The following INTS11 variants were observed in gnomAD, a reference collection of about 807,000 sequenced individuals.
INTS11 encodes the protein CPSF3-like protein.
A neutral mutation model predicts 78.6 loss-of-function variants in INTS11; 77 were observed. The ratio of observed to expected loss-of-function variants is 0.98; its 90% CI spans 0.81 to 1.18. The LOEUF is 1.18. INTS11 is among the 50% of genes most tolerant of loss of function. INTS11 has a pLI of 0.00. For synonymous variants in INTS11, 441 were observed against 326.9 expected, an observed-to-expected ratio of 1.35 and a Z score of -3.77; for missense variants, 875 against 825.9, an observed-to-expected ratio of 1.06 and a Z score of -0.73.
chr1:1,320,581 T>G (rs1271428540), intron 2 of INTS11, 52 bp from the exon 3 acceptor site: 1 of 1,588,342 alleles, frequency 6.3e-7, no homozygotes, highest in South Asian at 1.1e-5. Context: ...AGGCAGCATC[T>G]GGGGCCACCC....
chr1:1,320,589 C>A, intron 2 of INTS11, 60 bp from the exon 3 acceptor site: 1 of 1,562,544 alleles, frequency 6.4e-7, no homozygotes, highest in Non-Finnish European at 8.8e-7. Context: ...TCTGGGGCCA[C>A]CCATGCCCCA....
intron 2 of INTS11, 155 bp downstream of exon 2, chr1:1,320,841 C>T (rs1426110610): frequency 6.3e-6 from 5 of 792,432 alleles, no homozygotes; most frequent in African/African-American, 3.4e-5. Context: ...GGGCTCACCT[C>T]GGCCAGGCCC....
In INTS11 at chr1:1,324,600, C is replaced by T. The variant is rs774503615; in HGVS notation, c.9G>A (p.Glu3=). Residue 3 remains glutamate, a synonymous_variant, in exon 1 of 17, where the codon GAG becomes GAA. Coordinates refer to ENST00000435064, the MANE Select transcript of INTS11 (RefSeq NM_017871.6). ...ACTCACCCAAGGGCGTGACTCTGATCTCAGGCATCGTCTCCGCCGCGCTCC... is the reference window on the plus strand; with the variant it reads ...ACTCACCCAAGGGCGTGACTCTGATTTCAGGCATCGTCTCCGCCGCGCTCC... The part of the protein sequence containing the change: MP[E]IRVTPLGAGQ... The T allele has an allele frequency of 1.3e-6, 2 of 1,598,842 alleles. No homozygotes were observed. Among genetic ancestry groups the T allele is most frequent in the Non-Finnish European group, 8.5e-7 (1 of 1,174,506 alleles).
In INTS11 at chr1:1,313,888, G is replaced by T; in HGVS notation, c.801C>A (p.Phe267Leu). Residue 267 changes from phenylalanine to leucine, a missense_variant, in exon 9 of 17, where the codon TTC becomes TTA. Transcript: ENST00000435064. ...ERMNLKVPIY[F>L]STGLTEKANH... is the part of the protein sequence containing the mutation. ...TGGCCTTCTCGGTCAGCCCCGTGGAGAAGTAGATGGGCACCTTCAGGTTCA... is the reference window on the plus strand; with the variant it reads ...TGGCCTTCTCGGTCAGCCCCGTGGATAAGTAGATGGGCACCTTCAGGTTCA... 6.2e-7 allele frequency: 1 copy of T among 1,613,040 alleles called. No individual in the cohort carries two copies. The highest frequency in any genetic ancestry group is 8.5e-7 in the Non-Finnish European group (1 of 1,179,912).
intron 3 of INTS11, chr1:1,320,176 G>T: frequency 4.6e-6 from 2 of 430,660 alleles, no homozygotes; most frequent in Non-Finnish European, 8.5e-6. Flanking sequence ...AAGACAGTGG[G>T]GTTTAAAGAT....
At position 1,321,816 on chromosome 1, in the gene INTS11, G is replaced by A. The variant is rs939319909; in HGVS notation, c.29-723C>T. 88 of 955,962 alleles carry A rather than the reference G, an allele frequency of 9.2e-5. No individual in the cohort carries two copies. The African/African-American group carries it at 1.3e-3, about 15-fold the overall frequency. The allele number at this position is 955,962 out of a possible 1,614,324, so 59.2% of individuals were successfully genotyped here. The stretch of plus-strand genomic sequence containing the variant: ...CTCAGCCCCCTCATGTGGCCTGGGG[G>A]CCCGAGAGGAAAGGGTCACGGCCCC... On this transcript the variant is annotated intron_variant, in intron 1 of 16. Transcript: ENST00000435064.
In INTS11 at chr1:1,314,723, C is replaced by G; in HGVS notation, c.702+101G>C. The G allele has an allele frequency of 7.3e-7, 1 of 1,371,476 alleles. No homozygotes were observed. The highest frequency in any genetic ancestry group is 1.0e-6 in the Non-Finnish European group (1 of 993,260). 85.0% of individuals were successfully genotyped at this position (1,371,476 alleles called of 1,614,324 possible). On this transcript the variant is annotated intron_variant, in intron 7 of 16. Coordinates refer to ENST00000435064, the MANE Select transcript of INTS11 (RefSeq NM_017871.6). The surrounding 1 kb of genome is among the most constrained non-coding windows in gnomAD (Gnocchi z 4.2). ...CTCCCTGCCTGAAAATGCAGTACCC[C>G]CCACCCTGAGACCCTGACCCATGCC...
intron 2 of INTS11, 166 bp from the exon 3 acceptor site, chr1:1,320,695 T>C (rs1440242366): frequency 5.2e-6 from 4 of 775,598 alleles, no homozygotes; most frequent in Non-Finnish European, 6.9e-6. Flanking sequence ...GCTCACAGCA[T>C]CCGGAGGGGC....
Position 1,312,208 on chromosome 1 carries a change from G to GGGGCGGGGC in INTS11, c.1607+17_1607+18insGCCCCGCCC. On this transcript the variant is annotated intron_variant, in intron 15 of 16. Coordinates refer to ENST00000435064, the MANE Select transcript of INTS11 (RefSeq NM_017871.6). ...CAGGGCCCAAGGGAGTGGGGGGGGGGCGGGGCCGGGCGCCCACCTCTTGAG... is the reference window on the plus strand; with the variant it reads ...CAGGGCCCAAGGGAGTGGGGGGGGGGGGGCGGGGCCGGGGCCGGGCGCCCACCTCTTGAG... 8.9e-7 allele frequency: 1 copy of GGGGCGGGGC among 1,123,370 alleles called. No homozygotes were observed. Among genetic ancestry groups the GGGGCGGGGC allele is most frequent in the Middle Eastern group, 2.9e-4 (1 of 3,426 alleles). 69.6% of individuals were successfully genotyped at this position (1,123,370 alleles called of 1,614,324 possible). A position where few individuals can be genotyped will look rare whatever the true frequency, so the allele number is the denominator to read the frequency against.
At chr1:1,317,329 G>C in intron 4 of INTS11, 1 of 239,250 alleles carries the variant, frequency 4.2e-6, no homozygotes, top group Non-Finnish European at 6.7e-6. Flanking sequence ...AGAAGGCGGA[G>C]GTTCAAGGTG....
rs192157989 is a variant in INTS11 at position 1,313,341 on chromosome 1, C to T, written c.1041+168G>A. 3.1e-4 allele frequency: 279 copies of T among 903,088 alleles called. 1 individual carries two copies. The African/African-American group carries it at 3.7e-3, about 12-fold the overall frequency. 55.9% of individuals were successfully genotyped at this position (903,088 alleles called of 1,614,324 possible). On this transcript the variant is annotated intron_variant, in intron 10 of 16. Transcript: ENST00000435064. ...TGCCCGAGGTGGACAAGCTGTGTCA[C>T]AGAGACTGAGCAGCTCCAGGCGGAC...
In INTS11 at chr1:1,323,079, A is replaced by G. The variant is rs1446046501; in HGVS notation, c.28+1502T>C. 19 of 1,489,862 alleles carry G rather than the reference A, an allele frequency of 1.3e-5. No homozygotes were observed. The South Asian group carries it at 2.2e-4, about 17-fold the overall frequency. The allele number at this position is 1,489,862 out of a possible 1,614,324, so 92.3% of individuals were successfully genotyped here. A position where few individuals can be genotyped will look rare whatever the true frequency, so the allele number is the denominator to read the frequency against. On this transcript the variant is annotated intron_variant, in intron 1 of 16. Transcript: ENST00000435064. Reference sequence around the variant, plus strand: ...AGAGCAGGGGAGGGCAGTGGGGCCCATGCAAACAGCTGCAAAATGCCATGG... The same window carrying G: ...AGAGCAGGGGAGGGCAGTGGGGCCCGTGCAAACAGCTGCAAAATGCCATGG...
intron 1 of INTS11, among the ~76,000 whole-genome samples, chr1:1,323,768 G>C (rs1023943649): frequency 6.9e-6 from 1 of 145,012 alleles, no homozygotes; most frequent in African/African-American, 2.6e-5. Context: ...CAGTGTTGCA[G>C]AAATCAGGTA....
chr1:1,315,431 T>A lies in INTS11; in HGVS notation c.536A>T (p.Tyr179Phe). ...TAAGTGTCGGTCTGGGGTCATGTTA[T>A]AATCACCCTGGTGAACGATCAAGGA... The part of the protein sequence containing the change: ...GSESVVYTGD[Y>F]NMTPDRHLGA... Residue 179 changes from tyrosine (Y) to phenylalanine (F), a missense_variant, in exon 6 of 17, where the codon TAT (tyrosine) becomes TTT (phenylalanine). Tyr to Phe is a conservative substitution (Grantham distance 22, BLOSUM62 3). Transcript: ENST00000435064. 1 of 1,613,128 alleles carries A rather than the reference T, an allele frequency of 6.2e-7. No homozygotes were observed.
intron 1 of INTS11, among the ~76,000 whole-genome samples, chr1:1,323,732 A>G (rs1643106239): frequency 6.7e-6 from 1 of 150,138 alleles, no homozygotes; most frequent in Admixed American, 6.7e-5. Flanking sequence ...TTAGGAGTAC[A>G]TATTTGCGTT....
At chr1:1,320,202 G>A (rs905633051) in intron 3 of INTS11, 7 of 496,166 alleles carry the variant, frequency 1.4e-5, no homozygotes, top group Non-Finnish European at 2.2e-5. Context: ...GACAGTGAAG[G>A]CATCAGAGAG....
chr1:1,320,557 G>A, intron 2 of INTS11, 28 bp from the exon 3 acceptor site: 2 of 1,611,476 alleles, frequency 1.2e-6, no homozygotes, highest in Non-Finnish European at 1.7e-6. Context: ...GTTTCAGGTT[G>A]CACAGTGGTC....
At position 1,313,547 on chromosome 1, in the gene INTS11, G is replaced by A. The variant is rs774243500; in HGVS notation, c.1003C>T (p.Gln335Ter). ...TTTCCGGCCCATTTCCGGAAGATCT[G>A]CAGGGACTGCCCAGCGTGCAGCATT... ...PGMLHAGQSL[Q>*]IFRKWAGNEK... Residue 335 changes from glutamine to a stop codon, truncating the protein, a stop_gained, in exon 10 of 17, where the codon CAG (glutamine) becomes TAG (stop). Coordinates refer to ENST00000435064, the MANE Select transcript of INTS11 (RefSeq NM_017871.6). LOFTEE classifies it high-confidence loss of function. The A allele has an allele frequency of 1.9e-6, 3 of 1,613,016 alleles. No homozygotes were observed. Among genetic ancestry groups the A allele is most frequent in the East Asian group, 2.2e-5 (1 of 44,894 alleles).
At position 1,312,707 on chromosome 1, in the gene INTS11, C is replaced by G; in HGVS notation, c.1295-7G>C. 4 of 1,591,218 alleles carry G rather than the reference C, an allele frequency of 2.5e-6. No homozygotes were observed. Among genetic ancestry groups the G allele is most frequent in the Non-Finnish European group, 3.4e-6 (4 of 1,165,754 alleles). The stretch of plus-strand genomic sequence containing the variant: ...GGCATGTAGCAGTTGACCCCTGGAC[C>G]CCGGGGGAAGAGAGAGCCTCAGCCC... On this transcript the variant is annotated splice_polypyrimidine_tract_variant and splice_region_variant and intron_variant, in intron 12 of 16. Transcript: ENST00000435064.
Sources: gnomAD v4.1 joint callset for allele counts (sites outside exome capture counted in the v4.1 genomes callset) on GRCh38, gnomAD v4.1.1 for gene constraint, Gnocchi (gnomAD v3.1) non-coding constraint, MANE v1.5 for transcripts, NCBI Gene and HGNC (gene_info 2026-07-23, HGNC 2026-07-21) for gene names.